Variants in TENM3 observed in about 807,000 individuals in gnomAD.
TENM3 encodes the protein teneurin-3.
Under a neutral mutation model 255.1 loss-of-function variants are expected in TENM3, and 63 were observed. That is an observed-to-expected ratio of 0.25 (90% CI 0.20 to 0.30). The LOEUF (loss-of-function observed/expected upper bound fraction) is 0.30. TENM3 is among the 10% of genes least tolerant of loss of function. TENM3 has a pLI of 1.00. For synonymous variants in TENM3, 1,306 were observed against 1,322.3 expected (o/e 0.99, Z 0.27); for missense variants, 2,929 against 3,461.1 (o/e 0.85, Z 3.86).
intron 3 of TENM3, among the ~76,000 whole-genome samples, chr4:182,419,880 G>A (rs1007358134): frequency 6.7e-6 from 1 of 149,386 alleles, no homozygotes; most frequent in African/African-American, 2.5e-5. Context: ...TGGGGTGGGG[G>A]AGGGGGAAGG....
At chr4:182,545,588 T>C (rs546836184) in intron 3 of TENM3, among the ~76,000 whole-genome samples, 1 of 152,252 alleles carries the variant, frequency 6.6e-6, no homozygotes, top group South Asian at 2.1e-4. Flanking sequence ...TGCCTTTTCC[T>C]CTGCCCTTGG....
the TENM3 span, among the ~76,000 whole-genome samples, chr4:181,559,420 T>C: frequency 1.3e-5 from 2 of 152,134 alleles, no homozygotes; most frequent in African/African-American, 4.8e-5. Context: ...CAGCTTGGAG[T>C]AGTGATTAAA....
chr4:182,475,171 T>G (rs2151477684), intron 3 of TENM3, among the ~76,000 whole-genome samples: 1 of 152,318 alleles, frequency 6.6e-6, no homozygotes, highest in Admixed American at 6.5e-5. Context: ...ACTCCTTTAG[T>G]GGTAGGTTAC....
At position 182,793,032 on chromosome 4, in the gene TENM3, G is replaced by A. The variant is rs1384442523; in HGVS notation, c.6360G>A (p.Gly2120=). Residue 2120 remains glycine, a synonymous_variant, in exon 26 of 28, where the codon GGG becomes GGA. Transcript: ENST00000511685. This position sits in a 1 kb window ranked among gnomAD's most constrained non-coding sequence, Gnocchi z 5.7. ...TAACCAAGAGAGAGATTAAAATAGG[G>A]CCCTTTGCCAACACCACCAAATATG... The part of the protein sequence containing the change: ...GRVTKREIKI[G]PFANTTKYAY... 2 of 1,613,886 alleles carry A rather than the reference G, an allele frequency of 1.2e-6. No homozygotes were observed. Among genetic ancestry groups the A allele is most frequent in the South Asian group, 2.2e-5 (2 of 91,074 alleles).
At position 182,786,831 on chromosome 4, in the gene TENM3, G is replaced by A. The variant is rs137914605; in HGVS notation, c.5305-2262G>A. 6.7e-3 allele frequency among the ~76,000 whole-genome samples: 1,018 copies of A among 152,210 alleles called. 12 individuals carry two copies. Among genetic ancestry groups the A allele is most frequent in the African/African-American group, 0.024 (987 of 41,518 alleles). ...GTCTTCTGTAGTTCCTCCAAAGCCC[G>A]GGATAATCTAAGGAAGAAAAAAAGG... On this transcript the variant is annotated intron_variant, in intron 24 of 27. Transcript: ENST00000511685.
At chr4:181,520,452 T>C in the TENM3 span, among the ~76,000 whole-genome samples, 1 of 152,166 alleles carries the variant, frequency 6.6e-6, no homozygotes, top group South Asian at 2.1e-4. Context: ...TGTGTACATA[T>C]ATCTCTAAGG....
chr4:181,813,674 T>G, the TENM3 span, among the ~76,000 whole-genome samples: 5 of 152,308 alleles, frequency 3.3e-5, no homozygotes, highest in African/African-American at 1.2e-4. Context: ...AACCACATTT[T>G]CAATGAAATC....
intron 4 of TENM3, among the ~76,000 whole-genome samples, chr4:182,615,648 C>T (rs961336725): frequency 1.3e-4 from 20 of 149,394 alleles, no homozygotes; most frequent in African/African-American, 4.0e-4. Context: ...ATGACATTAG[C>T]GTAAGGGAAC....
the TENM3 span, among the ~76,000 whole-genome samples, chr4:181,868,819 A>G: frequency 1.3e-5 from 2 of 152,186 alleles, no homozygotes; most frequent in South Asian, 4.1e-4. Flanking sequence ...ATGACAAAAT[A>G]GGGTCGCATT....
the TENM3 span, among the ~76,000 whole-genome samples, chr4:181,528,801 A>G: frequency 6.6e-6 from 1 of 152,184 alleles, no homozygotes; most frequent in African/African-American, 2.4e-5. Flanking sequence ...CACGCTGCTC[A>G]GGTTCCTTCC....
intron 1 of TENM3, among the ~76,000 whole-genome samples, chr4:182,237,612 T>C (rs1756979152): frequency 6.6e-6 from 1 of 152,158 alleles, no homozygotes; most frequent in African/African-American, 2.4e-5. Flanking sequence ...TCTTATAGCA[T>C]CCTTTAGCCA....
the TENM3 span, among the ~76,000 whole-genome samples, chr4:181,760,333 C>G: frequency 6.6e-6 from 1 of 152,132 alleles, no homozygotes; most frequent in African/African-American, 2.4e-5. Flanking sequence ...AAACATGACA[C>G]TTTTCACTCC....
In TENM3 at chr4:182,451,317, GACTTCA is replaced by G. The variant is rs1773444515; in HGVS notation, c.511+104389_511+104394del. ...CTCGAAGATTTAGAAAAAGAAAAGC[GACTTCA>G]CATGGACTCTTCTACTGATGTCTGA... On this transcript the variant is annotated intron_variant, in intron 3 of 27. Transcript: ENST00000511685. Among the ~76,000 whole-genome samples the G allele has an allele frequency of 2.6e-5, 4 of 152,222 alleles. No homozygotes were observed. In the East Asian group the frequency reaches 7.7e-4, roughly 29 times the overall value.
the TENM3 span, among the ~76,000 whole-genome samples, chr4:181,642,299 C>T: frequency 6.6e-6 from 1 of 152,056 alleles, no homozygotes; most frequent in Non-Finnish European, 1.5e-5. Flanking sequence ...ATATCCTTTG[C>T]CCACTTTTTG....
At chr4:181,593,264 A>T in the TENM3 span, among the ~76,000 whole-genome samples, 1 of 152,224 alleles carries the variant, frequency 6.6e-6, no homozygotes, top group South Asian at 2.1e-4. Flanking sequence ...AGTGATCATT[A>T]TGAAAATCAA....
At chr4:182,739,141 G>GA (rs1204265347) in intron 18 of TENM3, among the ~76,000 whole-genome samples, 2 of 151,778 alleles carry the variant, frequency 1.3e-5, no homozygotes, top group African/African-American at 4.8e-5. Flanking sequence ...AATATTAGGG[G>GA]AAAAAATGAA....
chr4:182,370,970 A>C (rs1766765031), intron 3 of TENM3, among the ~76,000 whole-genome samples: 1 of 151,990 alleles, frequency 6.6e-6, no homozygotes, highest in Admixed American at 6.6e-5. Context: ...TGTTTAATTA[A>C]ATTTTTTTTT....
At chr4:182,084,804 A>G in the TENM3 span, 4 of 152,232 alleles carry the variant, frequency 2.6e-5, no homozygotes, top group African/African-American at 7.2e-5. Context: ...GTGGATACAT[A>G]ATGAAAAATC....
intron 18 of TENM3, among the ~76,000 whole-genome samples, chr4:182,742,126 G>C (rs769591207): frequency 5.9e-5 from 9 of 152,230 alleles, no homozygotes; most frequent in Admixed American, 2.0e-4. Flanking sequence ...GTCATAAACT[G>C]TGCATGGAAC....
Sources: allele counts gnomAD v4.1 joint callset (sites outside exome capture counted in the v4.1 genomes callset), GRCh38; gene constraint gnomAD v4.1.1; non-coding constraint Gnocchi (gnomAD v3.1); transcripts MANE v1.5; gene names NCBI Gene and HGNC (gene_info 2026-07-23, HGNC 2026-07-21).